The following PRKN variants were observed in gnomAD, a reference collection of about 807,000 sequenced individuals.
The protein encoded by PRKN is parkin RBR E3 ubiquitin protein ligase, also known as E3 ubiquitin-protein ligase parkin.
PRKN carries 56 observed loss-of-function variants against 59.5 expected under a neutral mutation model. The ratio of observed to expected loss-of-function variants is 0.94; its 90% CI spans 0.76 to 1.18. The LOEUF (loss-of-function observed/expected upper bound fraction) is 1.18, where lower values mean the gene tolerates loss of function less well. PRKN is among the 50% of genes most tolerant of loss of function. The pLI, the probability that PRKN is intolerant of heterozygous loss-of-function variation, is 0.00. For missense variants in PRKN, 657 were observed against 596.4 expected (o/e 1.10, Z -1.06); for synonymous variants, 250 against 222.1 (o/e 1.13, Z -1.12).
chr6:162,206,776 T>A (rs187802631), intron 3 of PRKN, among the ~76,000 whole-genome samples: 13 of 152,264 alleles, frequency 8.5e-5, no homozygotes, highest in African/African-American at 3.1e-4. Context: ...TTATTGCTAC[T>A]GTATTTCTGG....
chr6:161,937,447 A>G lies in PRKN; in HGVS notation c.734+35855T>C, dbSNP rs143523886. On this transcript the variant is annotated intron_variant, in intron 6 of 11. Transcript: ENST00000366898. Reference sequence around the variant, plus strand: ...AACAGCTTTTAAGTCTTTATCATCTATAGTCACTTGTTTCACTCTGATGCT... The same window carrying G: ...AACAGCTTTTAAGTCTTTATCATCTGTAGTCACTTGTTTCACTCTGATGCT... Among the ~76,000 whole-genome samples, 245 of 152,330 alleles carry G rather than the reference A, an allele frequency of 1.6e-3. 1 individual carries two copies. Among genetic ancestry groups the G allele is most frequent in the Non-Finnish European group, 3.0e-3 (204 of 68,032 alleles).
intron 2 of PRKN, among the ~76,000 whole-genome samples, chr6:162,298,452 CCTAT>C (rs1471797361): frequency 6.6e-6 from 1 of 151,978 alleles, no homozygotes; most frequent in African/African-American, 2.4e-5. Flanking sequence ...TCTTCAGCCT[CCTAT>C]CTGAGGGTAC....
intron 6 of PRKN, among the ~76,000 whole-genome samples, chr6:161,788,959 GAT>G (rs1383122234): frequency 2.0e-5 from 3 of 152,116 alleles, no homozygotes; most frequent in Admixed American, 6.5e-5. Flanking sequence ...CACAGATGAA[GAT>G]ATAGAAAAGT....
Position 161,386,981 on chromosome 6 carries a change from C to A in PRKN, c.1084-104G>T. On this transcript the variant is annotated intron_variant, in intron 9 of 11. Transcript: ENST00000366898. The surrounding 1 kb of genome is among the most constrained non-coding windows in gnomAD (Gnocchi z 4.3). The stretch of plus-strand genomic sequence containing the variant: ...ATTATATTCATTCCTCTGGCTTGTG[C>A]AACAGTTTCTGTATAAAAATACTTT... 1 of 905,374 alleles carries A rather than the reference C, an allele frequency of 1.1e-6. No homozygotes were observed. The highest frequency in any genetic ancestry group is 1.9e-6 in the Non-Finnish European group (1 of 539,274). The allele number at this position is 905,374 out of a possible 1,614,324, so 56.1% of individuals were successfully genotyped here.
intron 7 of PRKN, among the ~76,000 whole-genome samples, chr6:161,641,390 T>C (rs1163088482): frequency 6.6e-6 from 1 of 152,172 alleles, no homozygotes; most frequent in Non-Finnish European, 1.5e-5. Flanking sequence ...CCCAGATGGA[T>C]AAAGTGGCTC....
chr6:162,010,154 AG>A (rs1782434600), intron 5 of PRKN, among the ~76,000 whole-genome samples: 1 of 146,902 alleles, frequency 6.8e-6, no homozygotes. Context: ...GTGTTAGCAC[AG>A]GGAGACCCCT....
chr6:161,806,011 C>G lies in PRKN; in HGVS notation c.735-20103G>C, dbSNP rs138852485. On this transcript the variant is annotated intron_variant, in intron 6 of 11. Coordinates refer to ENST00000366898, the MANE Select transcript of PRKN (RefSeq NM_004562.3). ...CGACGAGTTCTTCCCCACAGAGCAG[C>G]CTACTCCCTGGCATAGGCCTTCTGG... Among the ~76,000 whole-genome samples the G allele has an allele frequency of 1.8e-3, 276 of 152,340 alleles. 1 individual carries two copies. Among genetic ancestry groups the G allele is most frequent in the Non-Finnish European group, 2.9e-3 (197 of 68,026 alleles).
chr6:162,576,980 C>A (rs1197146924), intron 1 of PRKN, among the ~76,000 whole-genome samples: 1 of 152,042 alleles, frequency 6.6e-6, no homozygotes, highest in East Asian at 1.9e-4. Flanking sequence ...TAATGCCTTT[C>A]ATTTCTAAAC....
chr6:162,727,597 G>A (rs1370580782), intron 1 of PRKN, 65 bp downstream of exon 1: 2 of 1,518,132 alleles, frequency 1.3e-6, no homozygotes, highest in East Asian at 4.9e-5. Context: ...GCCGAGGCGG[G>A]GCGTGGCGCC....
intron 6 of PRKN, among the ~76,000 whole-genome samples, chr6:161,877,091 T>C (rs1436645888): frequency 2.6e-5 from 4 of 152,178 alleles, no homozygotes; most frequent in Non-Finnish European, 5.9e-5. Flanking sequence ...GAATCCTATA[T>C]GTAGTCCCGA....
At chr6:161,648,715 G>T (rs2128160776) in intron 7 of PRKN, among the ~76,000 whole-genome samples, 1 of 152,260 alleles carries the variant, frequency 6.6e-6, no homozygotes, top group Non-Finnish European at 1.5e-5. Context: ...TTCAAGCTTA[G>T]GTTCAGGTGT....
At chr6:162,049,149 ACTAT>A (rs567926134) in intron 5 of PRKN, among the ~76,000 whole-genome samples, 2 of 152,206 alleles carry the variant, frequency 1.3e-5, no homozygotes, top group East Asian at 3.9e-4. Context: ...GCTATTTAAA[ACTAT>A]CTACTAAGAT....
At chr6:161,993,672 T>C (rs1185766857) in intron 5 of PRKN, among the ~76,000 whole-genome samples, 2 of 152,160 alleles carry the variant, frequency 1.3e-5, no homozygotes, top group Non-Finnish European at 2.9e-5. Flanking sequence ...GATCACTGTC[T>C]TAGTCGATTT....
At chr6:161,722,914 A>G (rs888998103) in intron 7 of PRKN, among the ~76,000 whole-genome samples, 1 of 152,142 alleles carries the variant, frequency 6.6e-6, no homozygotes, top group African/African-American at 2.4e-5. Flanking sequence ...CTCTTGAAAC[A>G]TCTCCCTTAG....
Position 161,359,370 on chromosome 6 carries a change from C to T in PRKN, c.1285+718G>A, listed in dbSNP as rs556618694. 7.4e-4 allele frequency among the ~76,000 whole-genome samples: 112 copies of T among 152,326 alleles called. 2 individuals are homozygous for T. Among genetic ancestry groups the T allele is most frequent in the African/African-American group, 2.6e-3 (106 of 41,562 alleles). On this transcript the variant is annotated intron_variant, in intron 11 of 11. Coordinates refer to ENST00000366898, the MANE Select transcript of PRKN (RefSeq NM_004562.3). The surrounding 1 kb of genome is among the most constrained non-coding windows in gnomAD (Gnocchi z 5.4). ...TCCTGGGATGGCCGGGCTTCCCTCC[C>T]GCAAGTCAGCTCTGGGCAACCTGCC...
At chr6:162,463,406 C>T (rs1242112478) in intron 1 of PRKN, among the ~76,000 whole-genome samples, 1 of 152,198 alleles carries the variant, frequency 6.6e-6, no homozygotes, top group East Asian at 1.9e-4. Flanking sequence ...AATCTTACCT[C>T]ACTACCTCTA....
intron 7 of PRKN, among the ~76,000 whole-genome samples, chr6:161,720,547 C>A (rs781142113): frequency 6.6e-6 from 1 of 152,062 alleles, no homozygotes; most frequent in Non-Finnish European, 1.5e-5. Context: ...AAGAAAGTCA[C>A]CCCCTGCAGA....
At chr6:161,752,588 G>C (rs940803897) in intron 7 of PRKN, among the ~76,000 whole-genome samples, 1 of 152,106 alleles carries the variant, frequency 6.6e-6, no homozygotes, top group Non-Finnish European at 1.5e-5. Context: ...AGATACTCAG[G>C]AGGCTGAGGT....
At position 161,372,227 on chromosome 6, in the gene PRKN, T is replaced by C. The variant is rs867174647; in HGVS notation, c.1168-12022A>G. ...GTTACAAGTTGACATATGGGAAAAATCTACACTTGAGCTAGAAAATATGCT... is the reference window on the plus strand; with the variant it reads ...GTTACAAGTTGACATATGGGAAAAACCTACACTTGAGCTAGAAAATATGCT... On this transcript the variant is annotated intron_variant, in intron 10 of 11. Transcript: ENST00000366898. The surrounding 1 kb of genome is among the most constrained non-coding windows in gnomAD (Gnocchi z 4.2). Among the ~76,000 whole-genome samples, 10 of 152,202 alleles carry C rather than the reference T, an allele frequency of 6.6e-5. No individual in the cohort carries two copies. The highest frequency in any genetic ancestry group is 5.2e-4 in the Admixed American group (8 of 15,284).
Sources: allele counts gnomAD v4.1 joint callset (sites outside exome capture counted in the v4.1 genomes callset), GRCh38; gene constraint gnomAD v4.1.1; non-coding constraint Gnocchi (gnomAD v3.1); transcripts MANE v1.5; gene names NCBI Gene and HGNC (gene_info 2026-07-23, HGNC 2026-07-21).